PSMB7: variants seen among roughly 807,000 people sequenced by gnomAD.
PSMB7 encodes the protein proteasome subunit beta type-7.
Under a neutral mutation model 28.1 loss-of-function variants are expected in PSMB7, and 5 were observed. The observed-to-expected ratio is 0.18, with a 90% CI of 0.09 to 0.37. PSMB7 has a LOEUF of 0.37. Ranked by LOEUF, PSMB7 falls within the 10% of genes least tolerant of loss-of-function variation. The pLI is 1.00. For missense variants in PSMB7, 275 were observed against 346.2 expected (o/e 0.79, Z 1.63); for synonymous variants, 122 against 123.7 (o/e 0.99, Z 0.09).
At chr9:124,382,868 G>A (rs1405255795) in intron 6 of PSMB7, among the ~76,000 whole-genome samples, 1 of 152,092 alleles carries the variant, frequency 6.6e-6, no homozygotes, top group Non-Finnish European at 1.5e-5. Context: ...CACTTCTAAT[G>A]TACCTCATAC....
At chr9:124,394,308 A>C (rs1830820675) in intron 5 of PSMB7, among the ~76,000 whole-genome samples, 1 of 152,208 alleles carries the variant, frequency 6.6e-6, no homozygotes, top group Non-Finnish European at 1.5e-5. Context: ...ACGTAGTCTG[A>C]CCAATGAGGA....
chr9:124,411,159 G>C (rs187851542), intron 4 of PSMB7, among the ~76,000 whole-genome samples: 5 of 152,122 alleles, frequency 3.3e-5, no homozygotes, highest in Admixed American at 2.6e-4. Context: ...ACTTTTAGTA[G>C]AGATGTTTCA....
At chr9:124,410,204 C>T (rs1476778406) in intron 4 of PSMB7, among the ~76,000 whole-genome samples, 3 of 151,964 alleles carry the variant, frequency 2.0e-5, no homozygotes, top group African/African-American at 7.3e-5. Context: ...CCATGTTAGC[C>T]AGGATGGTCT....
intron 6 of PSMB7, among the ~76,000 whole-genome samples, chr9:124,378,752 TTC>T (rs1830637182): frequency 6.6e-6 from 1 of 152,230 alleles, no homozygotes; most frequent in Non-Finnish European, 1.5e-5. Flanking sequence ...ATTCATTTAA[TTC>T]TCTCTCCCCC....
At chr9:124,390,763 A>C (rs924467340) in intron 5 of PSMB7, among the ~76,000 whole-genome samples, 2 of 152,240 alleles carry the variant, frequency 1.3e-5, no homozygotes, top group Non-Finnish European at 2.9e-5. Context: ...AAAAAATTGA[A>C]GAAAATCCAA....
rs150492396 is a variant in PSMB7, at chr9:124,380,070, G to C, written c.570+4528C>G. Among the ~76,000 whole-genome samples the C allele has an allele frequency of 3.5e-3, 539 of 152,272 alleles. 3 individuals carry two copies. Among genetic ancestry groups the C allele is most frequent in the African/African-American group, 0.012 (485 of 41,560 alleles). ...ACAGGTGTGTACAGTGCAGCACAGG[G>C]ACACAAATAAATGAAGCAGCAACAG... On this transcript the variant is annotated intron_variant, in intron 6 of 7. Coordinates refer to ENST00000259457, the MANE Select transcript of PSMB7 (RefSeq NM_002799.4).
At chr9:124,378,533 C>T (rs1588573062) in intron 6 of PSMB7, among the ~76,000 whole-genome samples, 1 of 152,166 alleles carries the variant, frequency 6.6e-6, no homozygotes, top group Non-Finnish European at 1.5e-5. Context: ...GGGTCCTGCG[C>T]ACACCACTAC....
At chr9:124,407,467 G>C (rs1830978120) in intron 4 of PSMB7, among the ~76,000 whole-genome samples, 1 of 152,176 alleles carries the variant, frequency 6.6e-6, no homozygotes, top group Non-Finnish European at 1.5e-5. Context: ...GCTCCAGGAA[G>C]AGAAGCCACA....
chr9:124,375,632 T>G (rs914497525), intron 6 of PSMB7, among the ~76,000 whole-genome samples: 2 of 152,162 alleles, frequency 1.3e-5, no homozygotes, highest in Non-Finnish European at 2.9e-5. Context: ...CTGACACCTA[T>G]TAAAGCGCCA....
chr9:124,368,998 AGT>A (rs1288064986), intron 6 of PSMB7, among the ~76,000 whole-genome samples: 1 of 152,226 alleles, frequency 6.6e-6, no homozygotes, highest in East Asian at 1.9e-4. Flanking sequence ...GTTAAAAGCC[AGT>A]GTATTTGTCA....
rs896737834 is a variant in PSMB7, at chr9:124,358,855, C to T, written c.571-1940G>A. Among the ~76,000 whole-genome samples, 4 of 152,242 alleles carry T rather than the reference C, an allele frequency of 2.6e-5. No individual in the cohort carries two copies. In the East Asian group the frequency reaches 5.8e-4, roughly 22 times the overall value. On this transcript the variant is annotated intron_variant, in intron 6 of 7. Transcript: ENST00000259457. The stretch of plus-strand genomic sequence containing the variant: ...AGCAGTACCTGGCAGACATCGCGAC[C>T]CTGCGGGCAGCGCTTAGGACTGCAC...
At chr9:124,364,874 G>A (rs868482451) in intron 6 of PSMB7, among the ~76,000 whole-genome samples, 30 of 152,140 alleles carry the variant, frequency 2.0e-4, no homozygotes, top group African/African-American at 6.8e-4. Context: ...CAGAAGAGCC[G>A]CGTTCCCACC....
In PSMB7 at chr9:124,363,410, G is replaced by A. The variant is rs987647177; in HGVS notation, c.571-6495C>T. 3.3e-5 allele frequency among the ~76,000 whole-genome samples: 5 copies of A among 152,256 alleles called. No individual in the cohort carries two copies. In the South Asian group the frequency reaches 6.2e-4, roughly 19 times the overall value. ...AAAAAGTGTTTGAAACGGTCTCCGC[G>A]AAAGCAGCATGCTCCCTGCACTGAG... On this transcript the variant is annotated intron_variant, in intron 6 of 7. Coordinates refer to ENST00000259457, the MANE Select transcript of PSMB7 (RefSeq NM_002799.4).
At chr9:124,407,359 A>G (rs553738369) in intron 4 of PSMB7, among the ~76,000 whole-genome samples, 139 of 152,318 alleles carry the variant, frequency 9.1e-4, no homozygotes, top group African/African-American at 3.2e-3. Flanking sequence ...AAAAGATTTT[A>G]GCAGTAGCCT....
intron 6 of PSMB7, among the ~76,000 whole-genome samples, chr9:124,375,819 T>C (rs1830605314): frequency 6.6e-6 from 1 of 152,214 alleles, no homozygotes; most frequent in East Asian, 1.9e-4. Flanking sequence ...ATAGTCTTCC[T>C]TGATCTCCAC....
rs143896526 is a variant in PSMB7, at chr9:124,400,831, T to C, written c.511+4486A>G. The stretch of plus-strand genomic sequence containing the variant: ...TAAATGAAGTACGTATTTATACAAG[T>C]AGACCAAGACACATTTGTTACCAAA... On this transcript the variant is annotated intron_variant, in intron 5 of 7. Coordinates refer to ENST00000259457, the MANE Select transcript of PSMB7 (RefSeq NM_002799.4). Among the ~76,000 whole-genome samples the C allele has an allele frequency of 5.3e-5, 8 of 152,348 alleles. No homozygotes were observed. In the East Asian group the frequency reaches 1.3e-3, roughly 26 times the overall value.
intron 6 of PSMB7, among the ~76,000 whole-genome samples, chr9:124,379,065 C>G (rs1830639301): frequency 6.6e-6 from 1 of 152,194 alleles, no homozygotes; most frequent in Non-Finnish European, 1.5e-5. Flanking sequence ...TAACTGACCC[C>G]TTGTCATCAG....
intron 6 of PSMB7, among the ~76,000 whole-genome samples, chr9:124,380,917 T>C (rs1432059114): frequency 6.6e-6 from 1 of 152,254 alleles, no homozygotes; most frequent in African/African-American, 2.4e-5. Flanking sequence ...CCCTGCCCAA[T>C]AGATGTTCTG....
intron 6 of PSMB7, among the ~76,000 whole-genome samples, chr9:124,357,263 C>T (rs1830418602): frequency 6.6e-6 from 1 of 152,160 alleles, no homozygotes; most frequent in African/African-American, 2.4e-5. Context: ...CACACCTACT[C>T]AACTCTGTCA....
Sources: gnomAD v4.1 joint callset for allele counts (sites outside exome capture counted in the v4.1 genomes callset) on GRCh38, gnomAD v4.1.1 for gene constraint, MANE v1.5 for transcripts, NCBI Gene and HGNC (gene_info 2026-07-23, HGNC 2026-07-21) for gene names.